The following PARP4 variants were observed in gnomAD, a reference collection of about 807,000 sequenced individuals.
The protein encoded by PARP4 is poly(ADP-ribose) polymerase family member 4, also known as protein mono-ADP-ribosyltransferase PARP4.
PARP4 carries 120 observed loss-of-function variants against 187.7 expected under a neutral mutation model. That is an observed-to-expected ratio of 0.64 (90% CI 0.55 to 0.74). The LOEUF is 0.74. Ranked by LOEUF, PARP4 falls within the 30% of genes least tolerant of loss-of-function variation. The pLI is 0.00. For missense variants in PARP4, 1,836 were observed against 2,070.5 expected (o/e 0.89, Z 2.20); for synonymous variants, 654 against 740.9 (o/e 0.88, Z 1.90).
chr13:24,454,238 T>C lies in PARP4; in HGVS notation c.2759-584A>G, dbSNP rs528700293. On this transcript the variant is annotated intron_variant, in intron 22 of 33. Transcript: ENST00000381989. Reference sequence around the variant, plus strand: ...ATCACTTGTGCAAATGTGCAGGGCATTGCAATGGCCTGAGCAGCTTGGCCC... The same window carrying C: ...ATCACTTGTGCAAATGTGCAGGGCACTGCAATGGCCTGAGCAGCTTGGCCC... Among the ~76,000 whole-genome samples, 65 of 152,372 alleles carry C rather than the reference T, an allele frequency of 4.3e-4. 2 individuals are homozygous for C. Among genetic ancestry groups the C allele is most frequent in the Middle Eastern group, 6.8e-3 (2 of 294 alleles).
Position 24,478,167 on chromosome 13 carries a change from A to C in PARP4, c.1558T>G (p.Leu520Val). 2 of 1,613,974 alleles carry C rather than the reference A, an allele frequency of 1.2e-6. No homozygotes were observed. Among genetic ancestry groups the C allele is most frequent in the African/African-American group, 2.7e-5 (2 of 75,044 alleles). Residue 520 changes from leucine to valine, a missense_variant, in exon 13 of 34, where the codon TTA becomes GTA. Coordinates refer to ENST00000381989, the MANE Select transcript of PARP4 (RefSeq NM_006437.4). ...TCGTAGCCTGGTGGTGCTTCAGTTA[A>C]GGAAAAGTCCTTCTCATGTAAGTCC... The part of the protein sequence containing the change: ...CMDLHEKDFS[L>V]TEAPPGYDSV...
intron 18 of PARP4, 142 bp from the exon 19 acceptor site, chr13:24,459,452 G>A (rs1402599554): frequency 2.7e-6 from 2 of 738,700 alleles, no homozygotes; most frequent in African/African-American, 3.6e-5. Context: ...CAGAAAGTTT[G>A]CTCATGGAAT....
intron 12 of PARP4, among the ~76,000 whole-genome samples, chr13:24,480,150 G>A (rs1304235607): frequency 6.6e-6 from 1 of 152,218 alleles, no homozygotes; most frequent in Non-Finnish European, 1.5e-5. Flanking sequence ...CATTCTTGAA[G>A]TCAGTGAGAC....
intron 12 of PARP4, among the ~76,000 whole-genome samples, chr13:24,480,043 AG>A (rs1357179208): frequency 6.7e-6 from 1 of 149,128 alleles, no homozygotes; most frequent in Non-Finnish European, 1.5e-5. Context: ...ACCCACCAGA[AG>A]GAAGAAACTC....
chr13:24,510,378 C>A (rs921040159), intron 1 of PARP4, among the ~76,000 whole-genome samples: 2 of 151,868 alleles, frequency 1.3e-5, no homozygotes, highest in African/African-American at 4.8e-5. Flanking sequence ...AACGGTGAAA[C>A]CCCGTCTCTA....
intron 6 of PARP4, among the ~76,000 whole-genome samples, chr13:24,497,427 A>C (rs568494225): frequency 1.3e-5 from 2 of 152,184 alleles, no homozygotes; most frequent in African/African-American, 4.8e-5. Flanking sequence ...TTAATGAAGT[A>C]TATCAGTGGA....
chr13:24,462,843 A>C (rs1474075410), intron 17 of PARP4, among the ~76,000 whole-genome samples: 1 of 150,470 alleles, frequency 6.6e-6, no homozygotes, highest in Non-Finnish European at 1.5e-5. Context: ...GAAATTATCC[A>C]AAATAAAATG....
rs375843592 is a variant in PARP4 at position 24,434,814 on chromosome 13, T to C, written c.4327A>G (p.Thr1443Ala). 9 of 1,612,912 alleles carry C rather than the reference T, an allele frequency of 5.6e-6. No individual in the cohort carries two copies. Among genetic ancestry groups the C allele is most frequent in the South Asian group, 2.2e-5 (2 of 90,998 alleles). Reference protein sequence around the residue: ...DSPQLHFSLPTDPDPIRGFGS... With the variant: ...DSPQLHFSLPADPDPIRGFGS... Reference sequence around the variant, plus strand: ...AAACCTCTGATGGGATCAGGGTCTGTAGGAAGAGAGAAATGAAGCTGGGGA... The same window carrying C: ...AAACCTCTGATGGGATCAGGGTCTGCAGGAAGAGAGAAATGAAGCTGGGGA... The change falls in exon 31 of 34, where the codon ACA becomes GCA. Residue 1443 changes from threonine (T) to alanine (A), a missense_variant. By Grantham distance (58) the Thr-to-Ala change is moderately conservative (BLOSUM62 0). Coordinates refer to ENST00000381989, the MANE Select transcript of PARP4 (RefSeq NM_006437.4).
In PARP4 at chr13:24,466,757, C is replaced by T. The variant is rs570557767; in HGVS notation, c.2133+2267G>A. 1.0e-4 allele frequency among the ~76,000 whole-genome samples: 15 copies of T among 145,432 alleles called. No individual in the cohort carries two copies. The East Asian group carries it at 3.0e-3, about 29-fold the overall frequency. On this transcript the variant is annotated intron_variant, in intron 17 of 33. Coordinates refer to ENST00000381989, the MANE Select transcript of PARP4 (RefSeq NM_006437.4). ...TAGGTTGCAGTGAGCCAAAATCACG[C>T]CACTGCACTCCAGCCTGGGCAACAG...
At chr13:24,472,049 G>T (rs1160921537) in intron 15 of PARP4, among the ~76,000 whole-genome samples, 1 of 152,170 alleles carries the variant, frequency 6.6e-6, no homozygotes, top group Non-Finnish European at 1.5e-5. Flanking sequence ...CTGCACTATG[G>T]TGTACTGGTT....
At chr13:24,430,147 A>C (rs9553296) in intron 32 of PARP4, among the ~76,000 whole-genome samples, 10,903 of 152,128 alleles carry the variant, frequency 0.072, 552 homozygotes, top group East Asian at 0.26. Context: ...CTCTTCTATT[A>C]TTCCAGGATC....
In PARP4 at chr13:24,493,732, AACT is replaced by A. The variant is rs1868793765; in HGVS notation, c.742-2_742del. 1 of 1,612,982 alleles carries A rather than the reference AACT, an allele frequency of 6.2e-7. No homozygotes were observed. Among genetic ancestry groups the A allele is most frequent in the Non-Finnish European group, 8.5e-7 (1 of 1,179,774 alleles). On this transcript the variant is annotated splice_acceptor_variant and coding_sequence_variant, in exon 8 of 34. Transcript: ENST00000381989. LOFTEE classifies it high-confidence loss of function. ...TGAATTCATGACTTCCTCCAAAAGC[AACT>A]ACAATAATAAAATAGAAATGCCACC...
intron 1 of PARP4, among the ~76,000 whole-genome samples, chr13:24,505,340 G>A (rs1230685005): frequency 1.3e-5 from 2 of 152,110 alleles, no homozygotes; most frequent in African/African-American, 4.8e-5. Context: ...AGCATGGCTT[G>A]TTGCCCTGCA....
Position 24,492,504 on chromosome 13 carries a change from ACT to A in PARP4, c.968_969del (p.Glu323ValfsTer22). On this transcript the variant is annotated frameshift_variant, in exon 9 of 34. Transcript: ENST00000381989. LOFTEE classifies it high-confidence loss of function. The stretch of plus-strand genomic sequence containing the variant: ...CCTTTGTGAGGTATCAGTCTGTAAA[ACT>A]CTGTCATCATCTTTTGCAATTGCTC... ...TAEQLQKMMT[E>X]FYRLIPHKGT... 6.2e-7 allele frequency: 1 copy of A among 1,613,890 alleles called. No individual in the cohort carries two copies. Among genetic ancestry groups the A allele is most frequent in the African/African-American group, 1.3e-5 (1 of 74,984 alleles).
chr13:24,502,752 T>TA (rs1268883203), intron 2 of PARP4, among the ~76,000 whole-genome samples: 1 of 152,250 alleles, frequency 6.6e-6, no homozygotes, highest in Non-Finnish European at 1.5e-5. Context: ...AGGCACGAAT[T>TA]ACTCATCTGT....
intron 14 of PARP4, 78 bp from the exon 15 acceptor site, chr13:24,475,674 T>C (rs8001930): frequency 0.55 from 755,566 of 1,371,850 alleles, 209,641 homozygotes; most frequent in South Asian, 0.65. Flanking sequence ...TATTCCTTCT[T>C]CAAGCCTTCA....
intron 15 of PARP4, among the ~76,000 whole-genome samples, chr13:24,471,985 T>A (rs1158390083): frequency 6.6e-6 from 1 of 152,206 alleles, no homozygotes; most frequent in Non-Finnish European, 1.5e-5. Flanking sequence ...TAAACAAGAA[T>A]TCAAAGCTAA....
intron 26 of PARP4, 68 bp downstream of exon 26, chr13:24,446,948 A>G (rs1871239579): frequency 6.5e-7 from 1 of 1,527,656 alleles, no homozygotes; most frequent in Non-Finnish European, 8.8e-7. Flanking sequence ...GGGAGGGAAG[A>G]AGACAGAAAA....
chr13:24,429,580 T>C (rs377343136), intron 32 of PARP4, among the ~76,000 whole-genome samples: 104 of 152,340 alleles, frequency 6.8e-4, no homozygotes, highest in African/African-American at 2.4e-3. Flanking sequence ...ATGATCCTTA[T>C]GACCCTTTTA....
Sources: allele counts gnomAD v4.1 joint callset (sites outside exome capture counted in the v4.1 genomes callset), GRCh38; gene constraint gnomAD v4.1.1; transcripts MANE v1.5; gene names NCBI Gene and HGNC (gene_info 2026-07-23, HGNC 2026-07-21).